The following MEF2A variants were observed in gnomAD, a reference collection of about 807,000 sequenced individuals.
MEF2A encodes myocyte-specific enhancer factor 2A.
Under a neutral mutation model 55.8 loss-of-function variants are expected in MEF2A, and 28 were observed. The observed-to-expected ratio is 0.50, with a 90% CI of 0.37 to 0.69. The LOEUF is 0.69. MEF2A is among the 30% of genes least tolerant of loss of function. The probability of loss-of-function intolerance (pLI) is 0.00; values close to 1 mark genes in which losing one functional copy is unlikely to be tolerated. For missense variants in MEF2A, 528 were observed against 626.2 expected (o/e 0.84, Z 1.67); for synonymous variants, 239 against 227.1 (o/e 1.05, Z -0.47).
chr15:99,578,954 A>G (rs1428795840), intron 1 of MEF2A, among the ~76,000 whole-genome samples: 10 of 152,210 alleles, frequency 6.6e-5, no homozygotes, highest in Admixed American at 6.5e-4. Context: ...TGAGTGTCCT[A>G]AGGTGTGTGG....
At chr15:99,621,273 G>A (rs1177776221) in intron 2 of MEF2A, among the ~76,000 whole-genome samples, 1 of 152,092 alleles carries the variant, frequency 6.6e-6, no homozygotes, top group African/African-American at 2.4e-5. Flanking sequence ...CAGTATTGTA[G>A]GGACAGGCCA....
At chr15:99,672,330 A>G (rs2051048268) in intron 5 of MEF2A, among the ~76,000 whole-genome samples, 1 of 152,244 alleles carries the variant, frequency 6.6e-6, no homozygotes, top group Non-Finnish European at 1.5e-5. Context: ...ATTGCAAAAC[A>G]AATAGTGACT....
In MEF2A at chr15:99,674,484, T is replaced by C; in HGVS notation, c.482T>C (p.Leu161Pro). Residue 161 changes from leucine to proline, a missense_variant, in exon 6 of 12, where the codon CTG (leucine) becomes CCG (proline). Leu to Pro is a moderately conservative substitution (Grantham distance 98, BLOSUM62 -3). Transcript: ENST00000557942. ...ALSYTNPGSS[L>P]VSPSLAASST... ...TCCTACACTAACCCAGGGAGTTCACTGGTGTCCCCATCTTTGGCAGCCAGC... is the reference window on the plus strand; with the variant it reads ...TCCTACACTAACCCAGGGAGTTCACCGGTGTCCCCATCTTTGGCAGCCAGC... The C allele has an allele frequency of 6.2e-7, 1 of 1,613,992 alleles. No homozygotes were observed. The highest frequency in any genetic ancestry group is 8.5e-7 in the Non-Finnish European group (1 of 1,179,876).
intron 6 of MEF2A, among the ~76,000 whole-genome samples, chr15:99,674,827 A>C (rs930375663): frequency 2.6e-5 from 4 of 152,192 alleles, no homozygotes; most frequent in Non-Finnish European, 2.9e-5. Context: ...AGAACCTGCC[A>C]TTTATATGCT....
intron 3 of MEF2A, among the ~76,000 whole-genome samples, chr15:99,644,992 A>T (rs914661121): frequency 2.6e-5 from 4 of 152,114 alleles, no homozygotes; most frequent in African/African-American, 9.7e-5. Flanking sequence ...TAAATAAAAA[A>T]ATTTTTTGGG....
chr15:99,656,233 A>G (rs1343882000), intron 4 of MEF2A, among the ~76,000 whole-genome samples: 4 of 152,116 alleles, frequency 2.6e-5, no homozygotes, highest in African/African-American at 9.7e-5. Flanking sequence ...ACTGGAAATG[A>G]TAACTTTATT....
At chr15:99,640,033 A>G (rs2044597581) in intron 3 of MEF2A, among the ~76,000 whole-genome samples, 1 of 152,166 alleles carries the variant, frequency 6.6e-6, no homozygotes, top group African/African-American at 2.4e-5. Context: ...ATTTCAGTAG[A>G]TTGTGAGCCT....
Position 99,645,599 on chromosome 15 carries a change from A to G in MEF2A, c.93A>G (p.Lys31=). ...FTKRKFGLMK[K]AYELSVLCDC... is the part of the protein sequence containing the mutation. ...AGAGAAAGTTTGGATTAATGAAGAA[A>G]GCCTATGAACTTAGTGTGCTCTGTG... is the stretch of plus-strand genomic sequence containing the variant. The change falls in exon 4 of 12, where the codon AAA becomes AAG. Residue 31 remains lysine, a synonymous_variant. Coordinates refer to ENST00000557942, the MANE Select transcript of MEF2A (RefSeq NM_001319206.4). The G allele has an allele frequency of 6.2e-7, 1 of 1,613,306 alleles. No homozygotes were observed. Among genetic ancestry groups the G allele is most frequent in the Non-Finnish European group, 8.5e-7 (1 of 1,179,626 alleles).
intron 1 of MEF2A, among the ~76,000 whole-genome samples, chr15:99,572,297 G>A (rs1255072734): frequency 6.6e-6 from 1 of 152,018 alleles, no homozygotes; most frequent in Non-Finnish European, 1.5e-5. Flanking sequence ...CTCCCTCCTT[G>A]GGATATTCTT....
chr15:99,677,926 G>A (rs541931372), intron 7 of MEF2A, among the ~76,000 whole-genome samples: 26 of 152,244 alleles, frequency 1.7e-4, no homozygotes, highest in African/African-American at 5.8e-4. Flanking sequence ...CAGGCATGGT[G>A]AAACAGATGA....
chr15:99,710,311 C>T (rs184852509), intron 10 of MEF2A, among the ~76,000 whole-genome samples: 323 of 152,246 alleles, frequency 2.1e-3, no homozygotes, highest in African/African-American at 7.1e-3. Context: ...GGTGCTACCT[C>T]GGCTCACTGC....
chr15:99,579,714 T>A (rs936101860), intron 1 of MEF2A, among the ~76,000 whole-genome samples: 7 of 152,152 alleles, frequency 4.6e-5, no homozygotes, highest in African/African-American at 2.4e-5. Context: ...TTTTATAGTA[T>A]TGAGTGTTTT....
chr15:99,566,957 T>C (rs968671808), intron 1 of MEF2A, among the ~76,000 whole-genome samples: 4 of 152,252 alleles, frequency 2.6e-5, no homozygotes, highest in Non-Finnish European at 5.9e-5. Context: ...GAAACTTTGC[T>C]TTTTGGCTCG....
intron 2 of MEF2A, among the ~76,000 whole-genome samples, chr15:99,629,347 C>T (rs983412980): frequency 5.9e-5 from 9 of 152,322 alleles, no homozygotes; most frequent in African/African-American, 1.9e-4. Context: ...ATTGGCCAGT[C>T]GCCATGAGAG....
In MEF2A at chr15:99,663,834, C is replaced by T. The variant is rs563571509; in HGVS notation, c.259-7489C>T. Among the ~76,000 whole-genome samples the T allele has an allele frequency of 3.9e-5, 6 of 151,952 alleles. No homozygotes were observed. In the South Asian group the frequency reaches 1.2e-3, roughly 32 times the overall value. On this transcript the variant is annotated intron_variant, in intron 4 of 11. Coordinates refer to ENST00000557942, the MANE Select transcript of MEF2A (RefSeq NM_001319206.4). ...GTATCTTTTTTCTTTCTTTTTTCACCTCTTCCCTTAATCCTTTCCATCTCT... is the reference window on the plus strand; with the variant it reads ...GTATCTTTTTTCTTTCTTTTTTCACTTCTTCCCTTAATCCTTTCCATCTCT...
At chr15:99,697,477 A>G (rs325392) in intron 8 of MEF2A, among the ~76,000 whole-genome samples, 96,296 of 151,208 alleles carry the variant, frequency 0.64, 34,382 homozygotes, top group Middle Eastern at 0.86. Context: ...AAAAATGATA[A>G]CACCCCAAAT....
At chr15:99,613,832 T>G (rs1221342139) in intron 2 of MEF2A, among the ~76,000 whole-genome samples, 1 of 152,228 alleles carries the variant, frequency 6.6e-6, no homozygotes, top group South Asian at 2.1e-4. Context: ...TCCTTCCACA[T>G]GCTCTAGTTT....
At chr15:99,661,557 G>A (rs1486311882) in intron 4 of MEF2A, among the ~76,000 whole-genome samples, 3 of 151,770 alleles carry the variant, frequency 2.0e-5, no homozygotes, top group Non-Finnish European at 4.4e-5. Context: ...TTATCAAAAG[G>A]CAGTAGAAAA....
chr15:99,606,985 T>TA (rs547460233), intron 2 of MEF2A, among the ~76,000 whole-genome samples: 47 of 152,264 alleles, frequency 3.1e-4, no homozygotes, highest in African/African-American at 1.1e-3. Flanking sequence ...TTTACAGCTG[T>TA]AAAAATGGAA....
Sources: gnomAD v4.1 joint callset for allele counts (sites outside exome capture counted in the v4.1 genomes callset) on GRCh38, gnomAD v4.1.1 for gene constraint, MANE v1.5 for transcripts, NCBI Gene and HGNC (gene_info 2026-07-23, HGNC 2026-07-21) for gene names.